Variants in BRWD1 observed in about 807,000 individuals in gnomAD.
BRWD1 encodes the protein bromodomain and WD repeat-containing protein 1.
A neutral mutation model predicts 251.2 loss-of-function variants in BRWD1; 82 were observed. The ratio of observed to expected loss-of-function variants is 0.33; its 90% CI spans 0.27 to 0.39. The LOEUF is 0.39. BRWD1 is among the 10% of genes least tolerant of loss of function. The pLI is 1.00. For missense variants in BRWD1, 2,233 were observed against 2,711.6 expected (o/e 0.82, Z 3.92); for synonymous variants, 918 against 902.8 (o/e 1.02, Z -0.30).
At chr21:39,264,798 A>T in intron 16 of BRWD1, 93 bp downstream of exon 16, 1 of 1,539,502 alleles carries the variant, frequency 6.5e-7, no homozygotes, top group South Asian at 1.2e-5. Context: ...TCACTCAGCT[A>T]AACTGTTTCC....
chr21:39,277,335 G>T lies in BRWD1; in HGVS notation c.1020C>A (p.Ala340=). The T allele has an allele frequency of 6.3e-7, 1 of 1,587,468 alleles. No homozygotes were observed. The highest frequency in any genetic ancestry group is 8.6e-7 in the Non-Finnish European group (1 of 1,166,272). ...TGATTACATGATCAGTACTACCTGT[G>T]GCTAAAAACATACCACCTGAAATAA... ...SSFSVGGMFL[A]TGSTDHVIRM... is the part of the protein sequence containing the mutation. The change falls in exon 11 of 41, where the codon GCC becomes GCA. Residue 340 remains alanine, a synonymous_variant. Transcript: ENST00000342449.
Position 39,192,403 on chromosome 21 carries a change from A to G in BRWD1, c.*3856T>C, listed in dbSNP as rs189064105. On this transcript the variant is annotated 3_prime_UTR_variant, in exon 41 of 41. Transcript: ENST00000342449. The stretch of plus-strand genomic sequence containing the variant: ...TTCTCTTCCCAAATACTAGGATAAG[A>G]GACAGTCTCAAACTGTTAAGTTGCA... The G allele has an allele frequency of 3.1e-5, 31 of 985,256 alleles. No homozygotes were observed. The East Asian group carries it at 2.8e-3, about 90-fold the overall frequency. The allele number at this position is 985,256 out of a possible 1,614,324, so 61.0% of individuals were successfully genotyped here.
intron 8 of BRWD1, among the ~76,000 whole-genome samples, chr21:39,287,287 T>C (rs1298083416): frequency 1.3e-5 from 2 of 152,216 alleles, no homozygotes; most frequent in Non-Finnish European, 2.9e-5. Context: ...AGGTTCCTTA[T>C]TGAAAAGCTC....
chr21:39,319,725 A>G (rs866199821), intron 1 of BRWD1, among the ~76,000 whole-genome samples: 2 of 152,200 alleles, frequency 1.3e-5, no homozygotes, highest in African/African-American at 4.8e-5. Flanking sequence ...CCAGCTCTCA[A>G]CATGACCCTG....
At position 39,192,836 on chromosome 21, in the gene BRWD1, A is replaced by G; in HGVS notation, c.*3423T>C. 1.0e-6 allele frequency: 1 copy of G among 984,992 alleles called. No homozygotes were observed. Among genetic ancestry groups the G allele is most frequent in the Non-Finnish European group, 1.2e-6 (1 of 829,606 alleles). The allele number at this position is 984,992 out of a possible 1,614,324, so 61.0% of individuals were successfully genotyped here. ...AACCTCTGGGGTTTCAGTTGGCACA[A>G]TCAAGTTCAACTTGTACTAACAGAA... On this transcript the variant is annotated 3_prime_UTR_variant, in exon 41 of 41. Coordinates refer to ENST00000342449, the MANE Select transcript of BRWD1 (RefSeq NM_033656.4).
Position 39,206,133 on chromosome 21 carries a change from C to T in BRWD1, c.4339G>A (p.Asp1447Asn). The change falls in exon 37 of 41, where the codon GAC becomes AAC. Residue 1447 changes from aspartate to asparagine, a missense_variant. Around this residue, in one of 12 missense-constraint regions of BRWD1, gnomAD observed 928 missense variants for 970.0 expected, o/e 0.96. Coordinates refer to ENST00000342449, the MANE Select transcript of BRWD1 (RefSeq NM_033656.4). The part of the protein sequence containing the change: ...RFKQRQNCKG[D>N]SQPNKSIRNL... ...CTGATACTTTTGTTAGGCTGACTGT[C>T]ACCTTTACAATTTTGCCGTTGCTTG... 1 of 1,611,716 alleles carries T rather than the reference C, an allele frequency of 6.2e-7. No individual in the cohort carries two copies. Among genetic ancestry groups the T allele is most frequent in the Non-Finnish European group, 8.5e-7 (1 of 1,179,376 alleles).
chr21:39,188,253 AAACT>A lies in BRWD1; in HGVS notation c.*8002_*8005del, dbSNP rs2031356888. The stretch of plus-strand genomic sequence containing the variant: ...GTCTTTCTTGCAGCCATGAACAGTC[AAACT>A]ATCTAAAACTGCCTTCATGGTACAC... On this transcript the variant is annotated 3_prime_UTR_variant, in exon 41 of 41. Coordinates refer to ENST00000342449, the MANE Select transcript of BRWD1 (RefSeq NM_033656.4). 3.0e-6 allele frequency: 3 copies of A among 985,356 alleles called. No individual in the cohort carries two copies. In the African/African-American group the frequency reaches 5.2e-5, roughly 17 times the overall value. 61.0% of individuals were successfully genotyped at this position (985,356 alleles called of 1,614,324 possible).
intron 31 of BRWD1, among the ~76,000 whole-genome samples, chr21:39,215,941 A>G (rs1449636715): frequency 1.3e-5 from 2 of 152,174 alleles, no homozygotes; most frequent in East Asian, 1.9e-4. Flanking sequence ...TCGAGGCTAC[A>G]GTGAGCTATC....
At chr21:39,298,230 C>CGATA (rs1320666606) in intron 5 of BRWD1, 1 of 1,221,198 alleles carries the variant, frequency 8.2e-7, no homozygotes, top group Non-Finnish European at 1.0e-6. Context: ...ATATCTTTAT[C>CGATA]AACTTTTTAA....
chr21:39,193,306 AT>A lies in BRWD1; in HGVS notation c.*2952del. 1.0e-6 allele frequency: 1 copy of A among 985,158 alleles called. No individual in the cohort carries two copies. Among genetic ancestry groups the A allele is most frequent in the Non-Finnish European group, 1.2e-6 (1 of 829,734 alleles). 61.0% of individuals were successfully genotyped at this position (985,158 alleles called of 1,614,324 possible). A position where few individuals can be genotyped will look rare whatever the true frequency, so the allele number is the denominator to read the frequency against. ...AAACTGAGAAATGATTTAATCAGATATTTGCCACTTACAAAAAGGGAGGCTG... is the reference window on the plus strand; with the variant it reads ...AAACTGAGAAATGATTTAATCAGATATTGCCACTTACAAAAAGGGAGGCTG... On this transcript the variant is annotated 3_prime_UTR_variant, in exon 41 of 41. Coordinates refer to ENST00000342449, the MANE Select transcript of BRWD1 (RefSeq NM_033656.4).
intron 5 of BRWD1, 135 bp from the exon 6 acceptor site, chr21:39,296,498 C>G (rs2035965314): frequency 7.9e-7 from 1 of 1,263,480 alleles, no homozygotes; most frequent in Non-Finnish European, 1.0e-6. Context: ...CAGAAAAGCC[C>G]TGGAGGTTTA....
chr21:39,232,668 A>G (rs567403936), intron 23 of BRWD1, among the ~76,000 whole-genome samples, 170 bp from the exon 24 acceptor site: 2 of 152,350 alleles, frequency 1.3e-5, no homozygotes, highest in African/African-American at 2.4e-5. Context: ...ACAGGAATAT[A>G]TCACTTAAAA....
At chr21:39,226,608 T>A (rs1399309864) in intron 27 of BRWD1, among the ~76,000 whole-genome samples, 1 of 152,222 alleles carries the variant, frequency 6.6e-6, no homozygotes, top group Non-Finnish European at 1.5e-5. Flanking sequence ...AACACAACTA[T>A]ACAACCTGCT....
intron 37 of BRWD1, 117 bp downstream of exon 37, chr21:39,205,991 A>G: frequency 2.0e-6 from 2 of 1,009,932 alleles, no homozygotes; most frequent in African/African-American, 1.6e-5. Flanking sequence ...GAGGCAGGAA[A>G]ATCACTTGAA....
chr21:39,282,208 A>G (rs1279042194), intron 8 of BRWD1, among the ~76,000 whole-genome samples: 1 of 152,136 alleles, frequency 6.6e-6, no homozygotes, highest in Non-Finnish European at 1.5e-5. Context: ...ACACCACTGC[A>G]TTTCAGCCTG....
At chr21:39,319,752 C>A (rs1601532486) in intron 1 of BRWD1, among the ~76,000 whole-genome samples, 1 of 152,156 alleles carries the variant, frequency 6.6e-6, no homozygotes, top group African/African-American at 2.4e-5. Flanking sequence ...AAGAATAATT[C>A]TTTTTCTCTC....
At chr21:39,241,690 G>A (rs1228738174) in intron 21 of BRWD1, among the ~76,000 whole-genome samples, 2 of 151,826 alleles carry the variant, frequency 1.3e-5, no homozygotes, top group African/African-American at 4.8e-5. Context: ...ACTTTTTATC[G>A]TGCTTTACTT....
intron 4 of BRWD1, among the ~76,000 whole-genome samples, chr21:39,304,837 A>T (rs1382646537): frequency 6.6e-6 from 1 of 152,184 alleles, no homozygotes; most frequent in Non-Finnish European, 1.5e-5. Context: ...TAATGAATAA[A>T]GCATTTTCTA....
At chr21:39,233,933 C>A (rs1217450590) in intron 23 of BRWD1, among the ~76,000 whole-genome samples, 1 of 152,142 alleles carries the variant, frequency 6.6e-6, no homozygotes, top group Admixed American at 6.5e-5. Context: ...GGCAGAAGAA[C>A]TGCTTGAACA....
Sources: gnomAD v4.1 joint callset for allele counts (sites outside exome capture counted in the v4.1 genomes callset) on GRCh38, gnomAD v4.1.1 for gene constraint, gnomAD v4.1.1 regional missense constraint, MANE v1.5 for transcripts, NCBI Gene and HGNC (gene_info 2026-07-23, HGNC 2026-07-21) for gene names.